The following ZC3HAV1 variants were observed in gnomAD, a reference collection of about 807,000 sequenced individuals.
ZC3HAV1 encodes the protein zinc finger CCCH-type containing, antiviral 1.
ZC3HAV1 carries 41 observed loss-of-function variants against 86.6 expected under a neutral mutation model. The observed-to-expected ratio is 0.47, with a 90% CI of 0.37 to 0.61. The LOEUF (loss-of-function observed/expected upper bound fraction) is 0.61. Ranked by LOEUF, ZC3HAV1 falls within the 20% of genes least tolerant of loss-of-function variation. The pLI is 0.00. For synonymous variants in ZC3HAV1, 421 were observed against 432.1 expected (o/e 0.97, Z 0.32); for missense variants, 964 against 1,141.1 (o/e 0.84, Z 2.24).
At position 139,084,020 on chromosome 7, in the gene ZC3HAV1, A is replaced by C; in HGVS notation, c.457T>G (p.Tyr153Asp). Reference sequence around the variant, plus strand: ...ATCTGCTGCCGACCCTCTCCCTTATAACTTTTGCATATCTACAGAAGGGAG... The same window carrying C: ...ATCTGCTGCCGACCCTCTCCCTTATCACTTTTGCATATCTACAGAAGGGAG... The part of the protein sequence containing the change: ...PFFMPEICKS[Y>D]KGEGRQQICN... The change falls in exon 3 of 13, where the codon TAT becomes GAT. Residue 153 changes from tyrosine (Y) to aspartate (D), a missense_variant. Transcript: ENST00000242351. 1 of 1,613,916 alleles carries C rather than the reference A, an allele frequency of 6.2e-7. No homozygotes were observed. The highest frequency in any genetic ancestry group is 2.2e-5 in the East Asian group (1 of 44,880).
intron 1 of ZC3HAV1, among the ~76,000 whole-genome samples, chr7:139,091,178 T>C (rs903555399): frequency 7.6e-6 from 1 of 131,512 alleles, no homozygotes; most frequent in Admixed American, 7.6e-5. Flanking sequence ...GAAAGACTCC[T>C]ACAGCAAGAA....
intron 7 of ZC3HAV1, among the ~76,000 whole-genome samples, chr7:139,071,890 T>C (rs1369542960): frequency 6.6e-6 from 1 of 152,238 alleles, no homozygotes; most frequent in Non-Finnish European, 1.5e-5. Flanking sequence ...GAATTCATGG[T>C]AGGGCTGTTT....
chr7:139,071,534 CTAAT>C lies in ZC3HAV1; in HGVS notation c.1872+2318_1872+2321del, dbSNP rs922462781. Among the ~76,000 whole-genome samples, 142 of 152,258 alleles carry C rather than the reference CTAAT, an allele frequency of 9.3e-4. 1 individual carries two copies. The highest frequency in any genetic ancestry group is 3.3e-3 in the African/African-American group (138 of 41,536). On this transcript the variant is annotated intron_variant, in intron 7 of 12. Transcript: ENST00000242351. Reference sequence around the variant, plus strand: ...TAGCTTATTTTTATTTTAACCAAGGCTAATTAATTTGGGTTTATAATTTTATTTC... The same window carrying C: ...TAGCTTATTTTTATTTTAACCAAGGCTAATTTGGGTTTATAATTTTATTTC...
rs1273595814 is a variant in ZC3HAV1 at position 139,044,473 on chromosome 7, G to T, written c.*3121C>A. 6.6e-6 allele frequency: 1 copy of T among 152,150 alleles called. No homozygotes were observed. The highest frequency in any genetic ancestry group is 2.4e-5 in the African/African-American group (1 of 41,396). The allele number at this position is 152,150 out of a possible 1,614,324, so 9.4% of individuals were successfully genotyped here. ...TCTTTTCTATTTCTCCTTAATAAGA[G>T]AGTTAGGGCATTAAATTGATTTTTT... On this transcript the variant is annotated 3_prime_UTR_variant, in exon 13 of 13. Transcript: ENST00000242351.
At chr7:139,052,137 T>A (rs1424849144) in intron 12 of ZC3HAV1, among the ~76,000 whole-genome samples, 1 of 151,878 alleles carries the variant, frequency 6.6e-6, no homozygotes, top group East Asian at 1.9e-4. Context: ...TTTCATTTTA[T>A]TGTTATTTTA....
intron 2 of ZC3HAV1, among the ~76,000 whole-genome samples, chr7:139,086,915 A>G (rs1008945031): frequency 1.3e-5 from 2 of 152,210 alleles, no homozygotes; most frequent in African/African-American, 4.8e-5. Flanking sequence ...CTGTAAGCCA[A>G]TTAAACCTCT....
At chr7:139,088,031 C>CAAAAAAAAAAAAAAAATA (rs1817321413) in intron 2 of ZC3HAV1, among the ~76,000 whole-genome samples, 1 of 57,872 alleles carries the variant, frequency 1.7e-5, no homozygotes, top group African/African-American at 5.8e-5. Context: ...GATCCTGTCT[C>CAAAAAAAAAAAAAAAATA]AAAAAAAAAA....
At chr7:139,072,495 AT>A (rs1816808703) in intron 7 of ZC3HAV1, among the ~76,000 whole-genome samples, 1 of 151,896 alleles carries the variant, frequency 6.6e-6, no homozygotes, top group Non-Finnish European at 1.5e-5. Flanking sequence ...CCCATGCATT[AT>A]TTTTGGCTTC....
Position 139,052,560 on chromosome 7 carries a change from G to A in ZC3HAV1, c.2449+891C>T, listed in dbSNP as rs181502880. Among the ~76,000 whole-genome samples the A allele has an allele frequency of 1.3e-3, 185 of 141,706 alleles. 1 individual carries two copies. The highest frequency in any genetic ancestry group is 4.4e-3 in the African/African-American group (166 of 38,050). 93.0% of individuals were successfully genotyped at this position (141,706 alleles called of 152,430 possible). ...GTGAAGGTTGCAGTGAACCGAGATCGAGCCATTGCACTCCAGCCTGGGCAA... is the reference window on the plus strand; with the variant it reads ...GTGAAGGTTGCAGTGAACCGAGATCAAGCCATTGCACTCCAGCCTGGGCAA... On this transcript the variant is annotated intron_variant, in intron 12 of 12. Coordinates refer to ENST00000242351, the MANE Select transcript of ZC3HAV1 (RefSeq NM_020119.4).
At chr7:139,087,990 T>A (rs1460821099) in intron 2 of ZC3HAV1, among the ~76,000 whole-genome samples, 2 of 137,204 alleles carry the variant, frequency 1.5e-5, no homozygotes, top group East Asian at 2.1e-4. Flanking sequence ...CCTGATCATG[T>A]CATTGCACTA....
At chr7:139,052,640 C>T (rs1047342561) in intron 12 of ZC3HAV1, among the ~76,000 whole-genome samples, 4 of 146,358 alleles carry the variant, frequency 2.7e-5, no homozygotes, top group Non-Finnish European at 6.0e-5. Context: ...GAGTTGCATG[C>T]ATCCAGGAGC....
intron 3 of ZC3HAV1, among the ~76,000 whole-genome samples, chr7:139,081,813 A>G (rs1430573625): frequency 3.3e-5 from 5 of 152,234 alleles, no homozygotes; most frequent in Non-Finnish European, 1.5e-5. Flanking sequence ...TAAATGATAA[A>G]CCATTTCCCA....
chr7:139,055,345 A>C, intron 9 of ZC3HAV1, 50 bp from the exon 10 acceptor site: 2 of 1,523,390 alleles, frequency 1.3e-6, no homozygotes, highest in Non-Finnish European at 1.8e-6. Context: ...CACAGGCCCA[A>C]GTGATGTTTT....
chr7:139,091,373 C>A (rs935444747), intron 1 of ZC3HAV1, among the ~76,000 whole-genome samples: 4 of 152,100 alleles, frequency 2.6e-5, no homozygotes, highest in African/African-American at 9.7e-5. Context: ...GAGGCTGAGG[C>A]AGGAGAATGG....
At chr7:139,090,814 C>T (rs1302757707) in intron 1 of ZC3HAV1, among the ~76,000 whole-genome samples, 4 of 152,184 alleles carry the variant, frequency 2.6e-5, no homozygotes, top group Admixed American at 2.6e-4. Flanking sequence ...CTGCAACTCT[C>T]TAGATTGCCT....
chr7:139,087,235 T>C (rs1202655401), intron 2 of ZC3HAV1, among the ~76,000 whole-genome samples: 3 of 152,160 alleles, frequency 2.0e-5, no homozygotes, highest in Non-Finnish European at 4.4e-5. Flanking sequence ...AGCAGGAGCT[T>C]TAACGGGAAT....
chr7:139,069,549 G>A (rs1308914803), intron 7 of ZC3HAV1, among the ~76,000 whole-genome samples: 1 of 151,972 alleles, frequency 6.6e-6, no homozygotes, highest in Admixed American at 6.6e-5. Flanking sequence ...CGACTCCCAG[G>A]CTCTACCCTC....
At chr7:139,082,202 G>A (rs938487068) in intron 3 of ZC3HAV1, among the ~76,000 whole-genome samples, 2 of 152,028 alleles carry the variant, frequency 1.3e-5, no homozygotes, top group Non-Finnish European at 2.9e-5. Context: ...GAGGCGGCCG[G>A]CCATTGCAGT....
At chr7:139,074,745 T>C (rs751545766) in intron 6 of ZC3HAV1, among the ~76,000 whole-genome samples, 2 of 152,022 alleles carry the variant, frequency 1.3e-5, no homozygotes, top group South Asian at 2.1e-4. Flanking sequence ...AATATGTATA[T>C]AGTATTAAAT....
Sources: gnomAD v4.1 joint callset for allele counts (sites outside exome capture counted in the v4.1 genomes callset) on GRCh38, gnomAD v4.1.1 for gene constraint, MANE v1.5 for transcripts, NCBI Gene and HGNC (gene_info 2026-07-23, HGNC 2026-07-21) for gene names.